BEND4: variants seen among roughly 807,000 people sequenced by gnomAD.
BEND4 encodes BEN domain-containing protein 4.
Under a neutral mutation model 54.7 loss-of-function variants are expected in BEND4, and 27 were observed. The observed-to-expected ratio is 0.49, with a 90% CI of 0.36 to 0.68. The LOEUF is 0.68. Among genes scored for constraint, BEND4 ranks in the 30% least tolerant of loss-of-function variants. BEND4 has a pLI of 0.00. For synonymous variants in BEND4, 327 were observed against 299.5 expected (o/e 1.09, Z -0.95); for missense variants, 702 against 697.2 (o/e 1.01, Z -0.08).
At chr4:42,125,422 G>A (rs58007380) in intron 4 of BEND4, among the ~76,000 whole-genome samples, 161 bp downstream of exon 4, 6 of 152,316 alleles carry the variant, frequency 3.9e-5, no homozygotes, top group East Asian at 1.9e-4. Context: ...AAATACATGC[G>A]TGATCTTTCT....
At chr4:42,135,850 A>T (rs1477279847) in intron 3 of BEND4, among the ~76,000 whole-genome samples, 1 of 152,188 alleles carries the variant, frequency 6.6e-6, no homozygotes, top group Non-Finnish European at 1.5e-5. Flanking sequence ...AAAGGGAAAC[A>T]GATTTGGCAT....
chr4:42,145,689 CAAAAAA>C (rs5857833), intron 2 of BEND4, among the ~76,000 whole-genome samples: 1 of 104,878 alleles, frequency 9.5e-6, no homozygotes. Flanking sequence ...GACTCCATCT[CAAAAAA>C]AAAAAAAAAA....
Position 42,151,905 on chromosome 4 carries a change from A to C in BEND4, c.239T>G (p.Phe80Cys), listed in dbSNP as rs1721307233. 3 of 1,257,886 alleles carry C rather than the reference A, an allele frequency of 2.4e-6. No individual in the cohort carries two copies. Among genetic ancestry groups the C allele is most frequent in the African/African-American group, 1.6e-5 (1 of 63,088 alleles). The allele number at this position is 1,257,886 out of a possible 1,614,324, so 77.9% of individuals were successfully genotyped here. Reference protein sequence around the residue: ...ISSSEPPPQQFQAQSSYPPGP... With the variant: ...ISSSEPPPQQCQAQSSYPPGP... ...GGGGGGGTAGGAGCTCTGCGCCTGG[A>C]ACTGCTGCGGCGGCGGCTCGCTGCT... Residue 80 changes from phenylalanine to cysteine, a missense_variant, in exon 2 of 6, where the codon TTC (phenylalanine) becomes TGC (cysteine). Coordinates refer to ENST00000502486, the MANE Select transcript of BEND4 (RefSeq NM_207406.4).
At chr4:42,140,332 T>A (rs907663172) in intron 3 of BEND4, among the ~76,000 whole-genome samples, 1 of 152,270 alleles carries the variant, frequency 6.6e-6, no homozygotes. Context: ...TAATATTTTC[T>A]TCATTGTATA....
At chr4:42,140,806 A>T (rs543270659) in intron 3 of BEND4, among the ~76,000 whole-genome samples, 14 of 152,340 alleles carry the variant, frequency 9.2e-5, no homozygotes, top group Admixed American at 3.9e-4. Context: ...CTCTTTCCCA[A>T]GATGAGATCA....
At chr4:42,145,590 G>A (rs1235027866) in intron 2 of BEND4, among the ~76,000 whole-genome samples, 1 of 151,730 alleles carries the variant, frequency 6.6e-6, no homozygotes, top group African/African-American at 2.4e-5. Flanking sequence ...TACTCGGGGG[G>A]CTGAGGCAGG....
chr4:42,119,649 T>C (rs1329680635), intron 5 of BEND4, among the ~76,000 whole-genome samples: 1 of 152,146 alleles, frequency 6.6e-6, no homozygotes, highest in Non-Finnish European at 1.5e-5. Flanking sequence ...GGCCAAGTAT[T>C]CTTGAGAAGG....
chr4:42,123,694 G>GAAAAAAAAAAAAAAAAAAAAAAAAAAAAA (rs71664396), intron 4 of BEND4, among the ~76,000 whole-genome samples: 1 of 50,808 alleles, frequency 2.0e-5, no homozygotes, highest in African/African-American at 7.5e-5. Flanking sequence ...CTGTAATTCA[G>GAAAAAAAAAAAAAAAAAAAAAAAAAAAAA]AAAAAAAAAA....
chr4:42,121,875 C>T (rs16854051), intron 4 of BEND4, among the ~76,000 whole-genome samples: 44,920 of 151,932 alleles, frequency 0.3, 8,849 homozygotes, highest in African/African-American at 0.56. Flanking sequence ...GGTCAAACAG[C>T]GGTGTCTTTC....
intron 4 of BEND4, among the ~76,000 whole-genome samples, chr4:42,122,973 T>C (rs1304385009): frequency 1.3e-5 from 2 of 152,174 alleles, no homozygotes; most frequent in Non-Finnish European, 2.9e-5. Context: ...ATCTGGCAGC[T>C]GACAATCCAG....
intron 2 of BEND4, among the ~76,000 whole-genome samples, chr4:42,146,558 C>A (rs1417527731): frequency 6.6e-6 from 1 of 152,020 alleles, no homozygotes; most frequent in Non-Finnish European, 1.5e-5. Context: ...CTGAACTATA[C>A]AAGTAAGAGG....
intron 4 of BEND4, among the ~76,000 whole-genome samples, chr4:42,124,274 G>A (rs1029570866): frequency 6.6e-6 from 1 of 152,124 alleles, no homozygotes; most frequent in African/African-American, 2.4e-5. Context: ...GATCACCTGC[G>A]CCTGGGAGGT....
At chr4:42,151,446 T>C in intron 2 of BEND4, 2 of 394,138 alleles carry the variant, frequency 5.1e-6, no homozygotes, top group Non-Finnish European at 8.7e-6. Context: ...CGGAGCCACC[T>C]GTTAGGCGCG....
In BEND4 at chr4:42,152,152, T is replaced by G; in HGVS notation, c.-9A>C. The G allele has an allele frequency of 8.1e-7, 1 of 1,240,892 alleles. No individual in the cohort carries two copies. The highest frequency in any genetic ancestry group is 1.0e-6 in the Non-Finnish European group (1 of 984,320). 76.9% of individuals were successfully genotyped at this position (1,240,892 alleles called of 1,614,324 possible). A position where few individuals can be genotyped will look rare whatever the true frequency, so the allele number is the denominator to read the frequency against. ...TGCATCTCTTCCTCCATCCGGCGCC[T>G]CGGGGCCGGTCCCTCGGAGCACGTC... On this transcript the variant is annotated 5_prime_UTR_variant, in exon 2 of 6. Transcript: ENST00000502486.
At chr4:42,148,870 G>A (rs1721163213) in intron 2 of BEND4, among the ~76,000 whole-genome samples, 1 of 152,086 alleles carries the variant, frequency 6.6e-6, no homozygotes, top group African/African-American at 2.4e-5. Context: ...CTCCCACAGA[G>A]GAAAAATATG....
chr4:42,146,043 T>G (rs1721071302), intron 2 of BEND4, among the ~76,000 whole-genome samples: 1 of 152,220 alleles, frequency 6.6e-6, no homozygotes, highest in African/African-American at 2.4e-5. Context: ...TAGTACTTTC[T>G]TACTCTTAGG....
At chr4:42,131,361 T>G (rs976743623) in intron 3 of BEND4, among the ~76,000 whole-genome samples, 2 of 152,236 alleles carry the variant, frequency 1.3e-5, no homozygotes, top group African/African-American at 2.4e-5. Flanking sequence ...TAAGCCAAAG[T>G]GTTAACGATA....
intron 3 of BEND4, among the ~76,000 whole-genome samples, chr4:42,133,758 G>A (rs1720591280): frequency 6.6e-6 from 1 of 152,230 alleles, no homozygotes; most frequent in South Asian, 2.1e-4. Flanking sequence ...GGGAGGCTGA[G>A]GCAGGAGAAT....
At chr4:42,121,847 G>C (rs1404442860) in intron 4 of BEND4, among the ~76,000 whole-genome samples, 1 of 152,194 alleles carries the variant, frequency 6.6e-6, no homozygotes, top group African/African-American at 2.4e-5. Context: ...GGAGACTGAG[G>C]AAGCAAGATG....
Sources: allele counts gnomAD v4.1 joint callset (sites outside exome capture counted in the v4.1 genomes callset), GRCh38; gene constraint gnomAD v4.1.1; transcripts MANE v1.5; gene names NCBI Gene and HGNC (gene_info 2026-07-23, HGNC 2026-07-21).